Variants in AMPH observed in about 807,000 individuals in gnomAD.
The protein encoded by AMPH is amphiphysin (Stiff-Mann syndrome with breast cancer 128kD autoantigen).
AMPH carries 49 observed loss-of-function variants against 99.1 expected under a neutral mutation model. The ratio of observed to expected loss-of-function variants is 0.49; its 90% CI spans 0.39 to 0.63. The LOEUF (loss-of-function observed/expected upper bound fraction) is 0.63, where lower values mean the gene tolerates loss of function less well. Among genes scored for constraint, AMPH ranks in the 20% least tolerant of loss-of-function variants. The pLI, the probability that AMPH is intolerant of heterozygous loss-of-function variation, is 0.00. For synonymous variants in AMPH, 314 were observed against 317.3 expected (o/e 0.99, Z 0.11); for missense variants, 759 against 863.4 (o/e 0.88, Z 1.52).
rs563359920 is a variant in AMPH at position 38,405,185 on chromosome 7, C to G, written c.1399-10971G>C. On this transcript the variant is annotated intron_variant, in intron 17 of 20. Coordinates refer to ENST00000356264, the MANE Select transcript of AMPH (RefSeq NM_001635.4). ...GTTAAAAGAATTTGTCACCACTAGA[C>G]TGGTCATACAAGAAATGCTGAAAGG... Among the ~76,000 whole-genome samples the G allele has an allele frequency of 3.9e-5, 6 of 152,280 alleles. No homozygotes were observed. The South Asian group carries it at 8.3e-4, about 21-fold the overall frequency.
intron 14 of AMPH, chr7:38,429,591 A>C (rs1785924870): frequency 6.9e-7 from 1 of 1,448,702 alleles, no homozygotes; most frequent in African/African-American, 1.4e-5. Context: ...TAAAGTATGC[A>C]GAAGAGCAAA....
chr7:38,470,415 C>G (rs1787838886), intron 7 of AMPH, among the ~76,000 whole-genome samples: 1 of 151,992 alleles, frequency 6.6e-6, no homozygotes, highest in Admixed American at 6.6e-5. Context: ...AAGGTGATGC[C>G]TCTTTAGTCC....
chr7:38,598,509 G>A (rs1272945654), intron 1 of AMPH, among the ~76,000 whole-genome samples: 2 of 152,046 alleles, frequency 1.3e-5, no homozygotes, highest in African/African-American at 4.8e-5. Flanking sequence ...TCGCCATGTT[G>A]GCCAGGCTGG....
chr7:38,583,005 C>T (rs6965154), intron 1 of AMPH, among the ~76,000 whole-genome samples: 1 of 152,076 alleles, frequency 6.6e-6, no homozygotes, highest in Non-Finnish European at 1.5e-5. Flanking sequence ...ACATAAGAGT[C>T]AACAATGTAT....
At chr7:38,541,617 G>A (rs1156839814) in intron 1 of AMPH, among the ~76,000 whole-genome samples, 2 of 152,186 alleles carry the variant, frequency 1.3e-5, no homozygotes, top group Admixed American at 6.5e-5. Context: ...AGGCTGGCAT[G>A]AGCCTTCCTG....
At chr7:38,422,358 C>G in intron 16 of AMPH, 63 bp downstream of exon 16, 1 of 1,360,900 alleles carries the variant, frequency 7.3e-7, no homozygotes, top group South Asian at 1.2e-5. Context: ...CTAGAATGAT[C>G]AGCTTTAGAA....
At chr7:38,504,328 G>C (rs1163875657) in intron 2 of AMPH, among the ~76,000 whole-genome samples, 1 of 152,262 alleles carries the variant, frequency 6.6e-6, no homozygotes. Flanking sequence ...CATTGAAATA[G>C]AGAAACTGTT....
At chr7:38,520,941 C>T (rs527544817) in intron 2 of AMPH, among the ~76,000 whole-genome samples, 6 of 152,300 alleles carry the variant, frequency 3.9e-5, no homozygotes, top group Non-Finnish European at 5.9e-5. Context: ...GCCTCCTTAA[C>T]GGGATCCCTA....
intron 17 of AMPH, among the ~76,000 whole-genome samples, chr7:38,400,973 A>G (rs1459680292): frequency 1.3e-5 from 2 of 152,194 alleles, no homozygotes; most frequent in Non-Finnish European, 2.9e-5. Context: ...AATTTATGGT[A>G]ACATTTTGAT....
intron 16 of AMPH, among the ~76,000 whole-genome samples, chr7:38,420,568 A>G (rs1031757252): frequency 6.6e-6 from 1 of 152,250 alleles, no homozygotes; most frequent in African/African-American, 2.4e-5. Flanking sequence ...TGAGGACCAT[A>G]AACCAATTAT....
intron 1 of AMPH, among the ~76,000 whole-genome samples, chr7:38,545,515 C>G (rs1790963154): frequency 6.6e-6 from 1 of 152,176 alleles, no homozygotes; most frequent in Non-Finnish European, 1.5e-5. Context: ...TGCAGTCCTA[C>G]CTGGGGCCAC....
chr7:38,468,872 C>CACAGAGTACCAGCATACCAGGCTCTT (rs1584132115), intron 7 of AMPH, among the ~76,000 whole-genome samples: 3 of 136,194 alleles, frequency 2.2e-5, no homozygotes, highest in East Asian at 2.5e-4. Flanking sequence ...AACATACAGA[C>CACAGAGTACCAGCATACCAGGCTCTT]GGCCGGGCGC....
chr7:38,449,812 T>G (rs552800522), intron 11 of AMPH, among the ~76,000 whole-genome samples: 1 of 152,156 alleles, frequency 6.6e-6, no homozygotes, highest in Non-Finnish European at 1.5e-5. Context: ...TCCAGAAATA[T>G]GTTATGTTGA....
intron 4 of AMPH, among the ~76,000 whole-genome samples, chr7:38,491,500 T>C (rs969253324): frequency 2.5e-4 from 38 of 152,108 alleles, no homozygotes; most frequent in African/African-American, 8.7e-4. Context: ...ACGCACTCCA[T>C]GAAATCAGAA....
At chr7:38,453,510 C>T (rs1364213763) in intron 11 of AMPH, among the ~76,000 whole-genome samples, 2 of 152,206 alleles carry the variant, frequency 1.3e-5, no homozygotes, top group Non-Finnish European at 2.9e-5. Flanking sequence ...AAAGCGAATG[C>T]TCTTTTAAGT....
intron 1 of AMPH, among the ~76,000 whole-genome samples, chr7:38,618,193 ACT>A (rs1793937567): frequency 6.6e-6 from 1 of 152,162 alleles, no homozygotes; most frequent in Admixed American, 6.5e-5. Flanking sequence ...ATTGCTTATA[ACT>A]CATTATGATT....
chr7:38,428,502 G>C (rs1298903906), intron 14 of AMPH: 2 of 456,568 alleles, frequency 4.4e-6, no homozygotes, highest in Non-Finnish European at 4.4e-6. Context: ...ACCTACAAGA[G>C]CATTTAACAC....
intron 2 of AMPH, among the ~76,000 whole-genome samples, chr7:38,509,285 G>A (rs1182865736): frequency 6.6e-6 from 1 of 152,184 alleles, no homozygotes; most frequent in Non-Finnish European, 1.5e-5. Context: ...ATGGAAGGAA[G>A]AGAAATGTCA....
chr7:38,477,026 T>A, intron 5 of AMPH, 57 bp from the exon 6 acceptor site: 1 of 1,513,270 alleles, frequency 6.6e-7, no homozygotes, highest in Admixed American at 1.7e-5. Flanking sequence ...AGTCTCCCTT[T>A]GACAGCCAGG....
Sources: gnomAD v4.1 joint callset for allele counts (sites outside exome capture counted in the v4.1 genomes callset) on GRCh38, gnomAD v4.1.1 for gene constraint, MANE v1.5 for transcripts, NCBI Gene and HGNC (gene_info 2026-07-23, HGNC 2026-07-21) for gene names.